The following NELL1 variants were observed in gnomAD, a reference collection of about 807,000 sequenced individuals.
NELL1 encodes protein kinase C-binding protein NELL1.
Under a neutral mutation model 107.4 loss-of-function variants are expected in NELL1, and 76 were observed. The ratio of observed to expected loss-of-function variants is 0.71; its 90% confidence interval spans 0.59 to 0.86. The LOEUF is 0.86. NELL1 is among the 40% of genes least tolerant of loss of function. NELL1 has a pLI of 0.00. For synonymous variants in NELL1, 353 were observed against 341.2 expected (o/e 1.03, Z -0.38); for missense variants, 1,024 against 1,005.5 (o/e 1.02, Z -0.25).
intron 13 of NELL1, among the ~76,000 whole-genome samples, chr11:21,159,837 T>A (rs567693196): frequency 6.6e-6 from 1 of 152,318 alleles, no homozygotes; most frequent in East Asian, 1.9e-4. Context: ...TTGCTTGTAA[T>A]AGGGTCCATA....
rs148588205 is a variant in NELL1, at chr11:20,984,735, A to G, written c.1300+24175A>G. ...GTGTCCTCTTGGTGGTCTCTGCAGA[A>G]TCATATGGCACCTTAATGACCAACA... On this transcript the variant is annotated intron_variant, in intron 12 of 19. Coordinates refer to ENST00000357134, the MANE Select transcript of NELL1 (RefSeq NM_006157.5). Among the ~76,000 whole-genome samples, 74 of 152,150 alleles carry G rather than the reference A, an allele frequency of 4.9e-4. 1 individual carries two copies. The highest frequency in any genetic ancestry group is 1.7e-3 in the African/African-American group (71 of 41,518).
chr11:21,067,095 T>C (rs1853893714), intron 12 of NELL1, among the ~76,000 whole-genome samples: 1 of 152,170 alleles, frequency 6.6e-6, no homozygotes, highest in Admixed American at 6.5e-5. Context: ...TATTGCTATT[T>C]CTTTTTACCT....
chr11:20,887,565 T>A (rs943166392), intron 5 of NELL1, among the ~76,000 whole-genome samples: 4 of 152,174 alleles, frequency 2.6e-5, no homozygotes, highest in Non-Finnish European at 5.9e-5. Flanking sequence ...GGAATGGAAA[T>A]TTTTAAGGTA....
intron 2 of NELL1, among the ~76,000 whole-genome samples, chr11:20,689,059 T>C (rs1854382282): frequency 6.6e-6 from 1 of 152,104 alleles, no homozygotes; most frequent in Admixed American, 6.6e-5. Context: ...TGGCCGCTTA[T>C]ATGTCTTCTT....
rs571879071 is a variant in NELL1, at chr11:21,154,037, C to A, written c.1426+40323C>A. The stretch of plus-strand genomic sequence containing the variant: ...AAACTCATGTTTTATTTCTCTCTTC[C>A]CATTTAATGGACAAGATGAAAAGAG... On this transcript the variant is annotated intron_variant, in intron 13 of 19. Coordinates refer to ENST00000357134, the MANE Select transcript of NELL1 (RefSeq NM_006157.5). Among the ~76,000 whole-genome samples, 6 of 152,226 alleles carry A rather than the reference C, an allele frequency of 3.9e-5. No individual in the cohort carries two copies. The South Asian group carries it at 1.2e-3, about 32-fold the overall frequency.
At chr11:20,813,958 T>A (rs544896996) in intron 3 of NELL1, among the ~76,000 whole-genome samples, 8 of 151,754 alleles carry the variant, frequency 5.3e-5, no homozygotes, top group South Asian at 2.1e-4. Flanking sequence ...TAATTTAATT[T>A]ATTTATTTTG....
At position 20,962,994 on chromosome 11, in the gene NELL1, C is replaced by G. The variant is rs151011648; in HGVS notation, c.1300+2434C>G. 4.6e-5 allele frequency among the ~76,000 whole-genome samples: 7 copies of G among 152,248 alleles called. No homozygotes were observed. The East Asian group carries it at 1.2e-3, about 25-fold the overall frequency. Reference sequence around the variant, plus strand: ...ATACTGGGCATCCGGCTGGGAGGCACAGAGAACCCAGTAGAGTGAATGCCA... The same window carrying G: ...ATACTGGGCATCCGGCTGGGAGGCAGAGAGAACCCAGTAGAGTGAATGCCA... On this transcript the variant is annotated intron_variant, in intron 12 of 19. Coordinates refer to ENST00000357134, the MANE Select transcript of NELL1 (RefSeq NM_006157.5).
chr11:20,948,334 T>A (rs999916400), intron 11 of NELL1, among the ~76,000 whole-genome samples: 5 of 152,128 alleles, frequency 3.3e-5, no homozygotes, highest in Admixed American at 3.3e-4. Context: ...AGTACAGGCA[T>A]GAGCCACCAT....
At chr11:20,818,744 T>G (rs941834460) in intron 3 of NELL1, among the ~76,000 whole-genome samples, 1 of 152,176 alleles carries the variant, frequency 6.6e-6, no homozygotes, top group Non-Finnish European at 1.5e-5. Flanking sequence ...CAAGGGCCAC[T>G]GGGCATGTAA....
chr11:21,205,068 C>G (rs929024502), intron 13 of NELL1, among the ~76,000 whole-genome samples: 1 of 152,194 alleles, frequency 6.6e-6, no homozygotes, highest in Non-Finnish European at 1.5e-5. Flanking sequence ...GATGTGTCTC[C>G]CAGTCAGGAG....
intron 16 of NELL1, among the ~76,000 whole-genome samples, chr11:21,545,925 G>A (rs1440057518): frequency 6.6e-6 from 1 of 151,922 alleles, no homozygotes; most frequent in Non-Finnish European, 1.5e-5. Context: ...AGGGCCTAGT[G>A]ATCTGTGTTT....
chr11:20,750,608 G>T (rs886895037), intron 2 of NELL1, among the ~76,000 whole-genome samples: 2 of 151,430 alleles, frequency 1.3e-5, no homozygotes, highest in Non-Finnish European at 2.9e-5. Context: ...TTGAGACAGG[G>T]TTCTCATTCT....
intron 12 of NELL1, among the ~76,000 whole-genome samples, chr11:21,095,949 C>G (rs951583865): frequency 4.6e-5 from 7 of 152,162 alleles, no homozygotes; most frequent in Non-Finnish European, 1.0e-4. Context: ...AAAGAGAGAG[C>G]TCGTGTAGGG....
At chr11:20,759,773 G>T (rs327030) in intron 2 of NELL1, among the ~76,000 whole-genome samples, 2,355 of 152,296 alleles carry the variant, frequency 0.015, 59 homozygotes, top group African/African-American at 0.054. Context: ...TAGAGATACT[G>T]TTGGAGACAG....
chr11:21,521,116 T>C (rs528557434), intron 15 of NELL1, among the ~76,000 whole-genome samples: 4 of 152,362 alleles, frequency 2.6e-5, no homozygotes, highest in African/African-American at 9.6e-5. Flanking sequence ...TTTTCTCTCT[T>C]TTGAATGTAA....
chr11:21,538,866 C>G (rs574255805), intron 16 of NELL1, among the ~76,000 whole-genome samples: 28 of 152,140 alleles, frequency 1.8e-4, no homozygotes, highest in Non-Finnish European at 1.3e-4. Flanking sequence ...ATTGCTCCCA[C>G]AAATGAAACT....
chr11:21,276,971 T>C (rs1342210833), intron 14 of NELL1, among the ~76,000 whole-genome samples: 1 of 151,256 alleles, frequency 6.6e-6, no homozygotes, highest in East Asian at 1.9e-4. Context: ...GCAATACCAT[T>C]CAGGACATAG....
At chr11:20,953,226 G>C (rs547427171) in intron 11 of NELL1, among the ~76,000 whole-genome samples, 14 of 152,304 alleles carry the variant, frequency 9.2e-5, no homozygotes, top group African/African-American at 3.4e-4. Context: ...TTTTAGAATA[G>C]AGGACTCTGG....
chr11:20,885,552 C>T lies in NELL1; in HGVS notation c.603+12C>T, dbSNP rs1036736904. On this transcript the variant is annotated intron_variant, in intron 5 of 19. Transcript: ENST00000357134. ...ATGGCTTATTCAAAGTAAGCACTAA[C>T]GTTCTTTTTATTGAAGTATATATAT... The T allele has an allele frequency of 1.2e-5, 18 of 1,520,090 alleles. No individual in the cohort carries two copies. The highest frequency in any genetic ancestry group is 4.5e-5 in the South Asian group (4 of 89,148). The allele number at this position is 1,520,090 out of a possible 1,614,324, so 94.2% of individuals were successfully genotyped here.
Sources: allele counts gnomAD v4.1 joint callset (sites outside exome capture counted in the v4.1 genomes callset), GRCh38; gene constraint gnomAD v4.1.1; transcripts MANE v1.5; gene names NCBI Gene and HGNC (gene_info 2026-07-23, HGNC 2026-07-21).